Variants in AHRR observed in about 807,000 individuals in gnomAD.
AHRR encodes aryl hydrocarbon receptor repressor, also known as ahR repressor.
Under a neutral mutation model 44.0 loss-of-function variants are expected in AHRR, and 28 were observed. The ratio of observed to expected loss-of-function variants is 0.64; its 90% CI spans 0.47 to 0.87. The LOEUF (loss-of-function observed/expected upper bound fraction) is 0.87, where lower values mean the gene tolerates loss of function less well. AHRR is among the 40% of genes least tolerant of loss of function. The pLI, the probability that AHRR is intolerant of heterozygous loss-of-function variation, is 0.00. For synonymous variants in AHRR, 434 were observed against 407.0 expected, an observed-to-expected ratio of 1.07 and a Z score of -0.80; for missense variants, 990 against 953.9, an observed-to-expected ratio of 1.04 and a Z score of -0.50.
chr5:385,008 G>A (rs1734114646), intron 4 of AHRR, among the ~76,000 whole-genome samples: 1 of 152,148 alleles, frequency 6.6e-6, no homozygotes, highest in South Asian at 2.1e-4. Context: ...TCCGGGCGTG[G>A]TGGCACATGC....
chr5:417,030 A>G (rs1288060774), intron 5 of AHRR, among the ~76,000 whole-genome samples: 12 of 118,042 alleles, frequency 1.0e-4, no homozygotes, highest in Non-Finnish European at 1.2e-4. Context: ...TGCAGGGCCC[A>G]TGTCTAGAGA....
chr5:374,019 G>T (rs1309345951), intron 3 of AHRR, among the ~76,000 whole-genome samples: 1 of 152,066 alleles, frequency 6.6e-6, no homozygotes, highest in African/African-American at 2.4e-5. Flanking sequence ...CGGGGAAAAG[G>T]CCGGGGCTGC....
At chr5:432,380 A>G in intron 8 of AHRR, 83 bp from the exon 9 acceptor site, 1 of 1,376,872 alleles carries the variant, frequency 7.3e-7, no homozygotes, top group South Asian at 1.2e-5. Flanking sequence ...GTCATTATTA[A>G]TTTCTACCAT....
At chr5:386,300 A>G (rs1237421260) in intron 4 of AHRR, among the ~76,000 whole-genome samples, 1 of 152,214 alleles carries the variant, frequency 6.6e-6, no homozygotes, top group Non-Finnish European at 1.5e-5. Context: ...AGACAGGATA[A>G]TGGGCCCAAA....
chr5:437,886 G>A lies in AHRR; in HGVS notation c.*3052G>A, dbSNP rs36048035. 2 of 152,350 alleles carry A rather than the reference G, an allele frequency of 1.3e-5. No individual in the cohort carries two copies. Among genetic ancestry groups the A allele is most frequent in the Admixed American group, 1.3e-4 (2 of 15,284 alleles). The allele number at this position is 152,350 out of a possible 1,614,324, so 9.4% of individuals were successfully genotyped here. On this transcript the variant is annotated 3_prime_UTR_variant, in exon 11 of 11. Coordinates refer to ENST00000684583, the MANE Select transcript of AHRR (RefSeq NM_001377236.1). ...GTTATTTTATAGCCACAACCCTCTT[G>A]GAAAACAGTGGGGAAGACTATGGAA...
intron 4 of AHRR, among the ~76,000 whole-genome samples, chr5:408,802 C>T (rs1030473938): frequency 5.9e-5 from 9 of 152,054 alleles, no homozygotes; most frequent in East Asian, 1.9e-4. Context: ...ATGTTAAAGC[C>T]GTCTGGGCCA....
chr5:340,587 A>G (rs546640535), intron 1 of AHRR, among the ~76,000 whole-genome samples: 2 of 143,906 alleles, frequency 1.4e-5, no homozygotes, highest in East Asian at 4.0e-4. Context: ...TAGGGGCTCT[A>G]TCTCCAATAC....
intron 1 of AHRR, among the ~76,000 whole-genome samples, chr5:322,955 G>T (rs187851905): frequency 6.6e-6 from 1 of 152,268 alleles, no homozygotes; most frequent in African/African-American, 2.4e-5. Context: ...ACGGGAGAAA[G>T]GTTCTTAGAA....
At chr5:341,470 G>T (rs987626101) in intron 1 of AHRR, among the ~76,000 whole-genome samples, 1 of 148,926 alleles carries the variant, frequency 6.7e-6, no homozygotes, top group Non-Finnish European at 1.5e-5. Context: ...CCAACTTTTG[G>T]TTTAATCACT....
intron 5 of AHRR, among the ~76,000 whole-genome samples, chr5:415,192 G>A (rs1033424125): frequency 2.0e-5 from 3 of 152,250 alleles, no homozygotes; most frequent in African/African-American, 2.4e-5. Flanking sequence ...CCCAGGGGAA[G>A]CCCTACCCCT....
In AHRR at chr5:434,498, C is replaced by G. The variant is rs778906697; in HGVS notation, c.1758C>G (p.His586Gln). 1 of 1,613,102 alleles carries G rather than the reference C, an allele frequency of 6.2e-7. No individual in the cohort carries two copies. Among genetic ancestry groups the G allele is most frequent in the Non-Finnish European group, 8.5e-7 (1 of 1,179,972 alleles). The change falls in exon 11 of 11, where the codon CAC becomes CAG. Residue 586 changes from histidine to glutamine, a missense_variant. Coordinates refer to ENST00000684583, the MANE Select transcript of AHRR (RefSeq NM_001377236.1). ...PDSRQQVYIS[H>Q]LGHGVRGAQP... Reference sequence around the variant, plus strand: ...CTCGGCAACAGGTGTACATCTCGCACCTGGGGCACGGCGTGCGGGGGGCTC... The same window carrying G: ...CTCGGCAACAGGTGTACATCTCGCAGCTGGGGCACGGCGTGCGGGGGGCTC...
intron 5 of AHRR, chr5:421,283 G>C (rs1560919752): frequency 2.9e-6 from 2 of 698,618 alleles, no homozygotes; most frequent in Non-Finnish European, 5.2e-6. Flanking sequence ...CACGGAACGG[G>C]CGAGGCTGTT....
chr5:416,531 C>T (rs1735821949), intron 5 of AHRR, among the ~76,000 whole-genome samples: 2 of 152,206 alleles, frequency 1.3e-5, no homozygotes, highest in East Asian at 1.9e-4. Context: ...TCCTGATGCG[C>T]CCTGTGAGAG....
At chr5:333,498 G>A (rs1742011208) in intron 1 of AHRR, among the ~76,000 whole-genome samples, 1 of 151,848 alleles carries the variant, frequency 6.6e-6, no homozygotes, top group South Asian at 2.1e-4. Context: ...CAGGAGGCTG[G>A]GGCAGGAGAG....
chr5:397,849 T>G (rs866657261), intron 4 of AHRR, among the ~76,000 whole-genome samples: 1 of 67,458 alleles, frequency 1.5e-5, no homozygotes, highest in Non-Finnish European at 2.9e-5. Context: ...CCCCTGACCA[T>G]GTTAGCCCCT....
At chr5:334,179 G>A (rs1742037655) in intron 1 of AHRR, among the ~76,000 whole-genome samples, 1 of 152,122 alleles carries the variant, frequency 6.6e-6, no homozygotes, top group African/African-American at 2.4e-5. Flanking sequence ...ACTGATTCAT[G>A]GTGCACTGTG....
At chr5:322,475 G>C (rs1741530134) in intron 1 of AHRR, 1 of 152,084 alleles carries the variant, frequency 6.6e-6, no homozygotes, top group Admixed American at 6.5e-5. Context: ...TGTGGCCTCC[G>C]GGATGGCAAG....
In AHRR at chr5:419,504, G is replaced by A. The variant is rs1735973368; in HGVS notation, c.442-3225G>A. On this transcript the variant is annotated intron_variant, in intron 5 of 10. Coordinates refer to ENST00000684583, the MANE Select transcript of AHRR (RefSeq NM_001377236.1). This position sits in a 1 kb window ranked among gnomAD's most constrained non-coding sequence, Gnocchi z 4.4. The stretch of plus-strand genomic sequence containing the variant: ...CTTTTAAGCAACATTTATAAATGAA[G>A]AAATTAGGGATGGCAGCAAGTGTAA... Among the ~76,000 whole-genome samples, 1 of 152,142 alleles carries A rather than the reference G, an allele frequency of 6.6e-6. No individual in the cohort carries two copies. Among genetic ancestry groups the A allele is most frequent in the Non-Finnish European group, 1.5e-5 (1 of 68,026 alleles).
chr5:422,928 A>T (rs1736201849), intron 6 of AHRR, 70 bp downstream of exon 6: 2 of 1,518,424 alleles, frequency 1.3e-6, no homozygotes, highest in Non-Finnish European at 8.8e-7. Context: ...CTGCCTCTGG[A>T]AATGACCCTG....
Sources: allele counts gnomAD v4.1 joint callset (sites outside exome capture counted in the v4.1 genomes callset), GRCh38; gene constraint gnomAD v4.1.1; non-coding constraint Gnocchi (gnomAD v3.1); transcripts MANE v1.5; gene names NCBI Gene and HGNC (gene_info 2026-07-23, HGNC 2026-07-21).